Variants in EPS15 observed in about 807,000 individuals in gnomAD.
EPS15 encodes the protein epidermal growth factor receptor pathway substrate 15.
In EPS15, 72 loss-of-function variants were observed where a neutral mutation model predicts 113.8. The ratio of observed to expected loss-of-function variants is 0.63; its 90% CI spans 0.52 to 0.77. The LOEUF (loss-of-function observed/expected upper bound fraction) is 0.77. Among genes scored for constraint, EPS15 ranks in the 30% least tolerant of loss-of-function variants. The pLI, the probability that EPS15 is intolerant of heterozygous loss-of-function variation, is 0.00. For missense variants in EPS15, 1,048 were observed against 1,045.8 expected (o/e 1.00, Z -0.03); for synonymous variants, 344 against 363.4 (o/e 0.95, Z 0.61).
intron 12 of EPS15, among the ~76,000 whole-genome samples, chr1:51,422,575 C>A (rs920190052): frequency 6.6e-6 from 1 of 152,212 alleles, no homozygotes; most frequent in African/African-American, 2.4e-5. Flanking sequence ...ACATCGTTAC[C>A]TAAATTCTTA....
intron 21 of EPS15, among the ~76,000 whole-genome samples, chr1:51,391,907 T>A (rs1233728956): frequency 1.3e-5 from 2 of 152,166 alleles, no homozygotes; most frequent in African/African-American, 4.8e-5. Flanking sequence ...ATTAGATATA[T>A]CTATCAGACA....
At chr1:51,502,120 T>A (rs1031450492) in intron 1 of EPS15, among the ~76,000 whole-genome samples, 5 of 152,016 alleles carry the variant, frequency 3.3e-5, no homozygotes, top group Admixed American at 6.6e-5. Flanking sequence ...GCAAACAAAT[T>A]AGCCAGATGT....
At chr1:51,488,740 C>T (rs900098198) in intron 1 of EPS15, among the ~76,000 whole-genome samples, 1 of 147,954 alleles carries the variant, frequency 6.8e-6, no homozygotes, top group African/African-American at 2.7e-5. Context: ...CCCAGCCTCT[C>T]CTCCTTTCTT....
chr1:51,434,500 T>C (rs956976957), intron 12 of EPS15, among the ~76,000 whole-genome samples: 6 of 152,040 alleles, frequency 3.9e-5, no homozygotes, highest in Non-Finnish European at 7.4e-5. Flanking sequence ...GTAGTCAAAA[T>C]CATAGAGATA....
At chr1:51,430,216 G>C (rs1439298688) in intron 12 of EPS15, among the ~76,000 whole-genome samples, 1 of 152,164 alleles carries the variant, frequency 6.6e-6, no homozygotes, top group Non-Finnish European at 1.5e-5. Flanking sequence ...AAGCTGATGA[G>C]AAAGTCTTCG....
At chr1:51,516,397 G>C (rs1644717093) in intron 1 of EPS15, among the ~76,000 whole-genome samples, 1 of 152,140 alleles carries the variant, frequency 6.6e-6, no homozygotes, top group African/African-American at 2.4e-5. Context: ...GCAAATGTTT[G>C]TTGAGTCTCT....
At chr1:51,388,027 GCACCA>G (rs1353105340) in intron 21 of EPS15, among the ~76,000 whole-genome samples, 8 of 152,144 alleles carry the variant, frequency 5.3e-5, no homozygotes, top group African/African-American at 1.9e-4. Context: ...ATTATTTTCA[GCACCA>G]CACCACACCT....
chr1:51,518,993 G>T (rs987183897), intron 1 of EPS15, among the ~76,000 whole-genome samples: 5 of 151,328 alleles, frequency 3.3e-5, no homozygotes, highest in African/African-American at 9.7e-5. Flanking sequence ...GACCCTGGGC[G>T]AGGTCGCGGC....
At chr1:51,461,931 T>C (rs1359099053) in intron 7 of EPS15, 1 of 152,208 alleles carries the variant, frequency 6.6e-6, no homozygotes, top group Non-Finnish European at 1.5e-5. Context: ...ATCACTACAA[T>C]TCTATAAGCT....
chr1:51,460,985 A>G, intron 8 of EPS15, 106 bp downstream of exon 8: 1 of 759,762 alleles, frequency 1.3e-6, no homozygotes, highest in East Asian at 2.6e-5. Context: ...TCACCCAATA[A>G]TCTGATGAGA....
At chr1:51,376,230 C>T (rs1553187515) in intron 21 of EPS15, among the ~76,000 whole-genome samples, 1 of 152,166 alleles carries the variant, frequency 6.6e-6, no homozygotes, top group Non-Finnish European at 1.5e-5. Context: ...AATCCTAAGG[C>T]CCCTATGAAT....
intron 23 of EPS15, 112 bp downstream of exon 23, chr1:51,363,754 A>G (rs1646441661): frequency 5.5e-6 from 5 of 909,478 alleles, no homozygotes; most frequent in Admixed American, 3.1e-5. Context: ...GGCTTCTGAC[A>G]TATGTTTGAC....
intron 1 of EPS15, among the ~76,000 whole-genome samples, chr1:51,492,390 A>C (rs1166948708): frequency 1.3e-5 from 2 of 152,318 alleles, no homozygotes; most frequent in East Asian, 3.9e-4. Context: ...TATTCTAAAG[A>C]AAGTTTTCAA....
rs1445531734 is a variant in EPS15 at position 51,455,417 on chromosome 1, C to G, written c.561+5674G>C. On this transcript the variant is annotated intron_variant, in intron 8 of 24. Transcript: ENST00000371733. ...CCAGCCTGGCCAACACGGCGAAACC[C>G]CATCTCTACAAAAAATACAAAAATT... Among the ~76,000 whole-genome samples, 3 of 151,948 alleles carry G rather than the reference C, an allele frequency of 2.0e-5. No homozygotes were observed. In the East Asian group the frequency reaches 5.8e-4, roughly 29 times the overall value.
chr1:51,429,744 G>C (rs534127795), intron 12 of EPS15, among the ~76,000 whole-genome samples: 10 of 149,506 alleles, frequency 6.7e-5, no homozygotes, highest in African/African-American at 2.5e-4. Flanking sequence ...TCTGCCTCCC[G>C]CATTCAAGTG....
At chr1:51,518,780 C>CG (rs1401129907) in intron 1 of EPS15, among the ~76,000 whole-genome samples, 2 of 151,640 alleles carry the variant, frequency 1.3e-5, no homozygotes, top group Non-Finnish European at 2.9e-5. Context: ...TCGTGCGGCC[C>CG]GGGGGTGCGG....
chr1:51,490,564 CAAAAAAAA>C (rs60149665), intron 1 of EPS15, among the ~76,000 whole-genome samples: 2 of 76,632 alleles, frequency 2.6e-5, no homozygotes, highest in African/African-American at 9.7e-5. Context: ...GACTCCATCT[CAAAAAAAA>C]AAAAAAAAAA....
chr1:51,381,417 AC>A lies in EPS15; in HGVS notation c.2119+12963del, dbSNP rs1246326589. ...AGACCAGCCTGGCCAACATGGTGAA[AC>A]CCCGTCTCTACTAAAAATACAAAAA... On this transcript the variant is annotated intron_variant, in intron 21 of 24. Coordinates refer to ENST00000371733, the MANE Select transcript of EPS15 (RefSeq NM_001981.3). 3.3e-5 allele frequency among the ~76,000 whole-genome samples: 5 copies of A among 151,960 alleles called. No homozygotes were observed. In the East Asian group the frequency reaches 9.6e-4, roughly 29 times the overall value.
chr1:51,492,101 G>C (rs920750822), intron 1 of EPS15, among the ~76,000 whole-genome samples: 1 of 151,810 alleles, frequency 6.6e-6, no homozygotes, highest in Non-Finnish European at 1.5e-5. Context: ...CACCTGCCTC[G>C]GCCTCCCAAA....
Sources: gnomAD v4.1 joint callset for allele counts (sites outside exome capture counted in the v4.1 genomes callset) on GRCh38, gnomAD v4.1.1 for gene constraint, MANE v1.5 for transcripts, NCBI Gene and HGNC (gene_info 2026-07-23, HGNC 2026-07-21) for gene names.